Variants in PNKD observed in about 807,000 individuals in gnomAD.
PNKD encodes the protein probable thioesterase PNKD.
PNKD carries 36 observed loss-of-function variants against 45.3 expected under a neutral mutation model. The observed-to-expected ratio is 0.80, with a 90% confidence interval of 0.61 to 1.05. PNKD has a LOEUF of 1.05. Among genes scored for constraint, PNKD ranks in the 50% least tolerant of loss-of-function variants. The pLI is 0.00. For synonymous variants in PNKD, 197 were observed against 210.1 expected, an observed-to-expected ratio of 0.94 and a Z score of 0.54; for missense variants, 511 against 506.6, an observed-to-expected ratio of 1.01 and a Z score of -0.08.
chr2:218,329,083 C>T (rs1694238494), intron 2 of PNKD, among the ~76,000 whole-genome samples: 4 of 151,996 alleles, frequency 2.6e-5, no homozygotes, highest in Admixed American at 2.6e-4. Context: ...GTCACGCACC[C>T]CTGTAATCCC....
In PNKD at chr2:218,277,310, G is replaced by A. The variant is rs1440255248; in HGVS notation, c.236+5761G>A. On this transcript the variant is annotated intron_variant, in intron 2 of 9. Transcript: ENST00000273077. ...GAACATCCCTAGTGTGCCGGGGTCC[G>A]GGCCTGATAAGAAAGGGGAGTCGGG... 3.5e-5 allele frequency: 53 copies of A among 1,526,648 alleles called. 1 individual carries two copies. Among genetic ancestry groups the A allele is most frequent in the East Asian group, 4.5e-5 (2 of 44,460 alleles). The allele number at this position is 1,526,648 out of a possible 1,614,324, so 94.6% of individuals were successfully genotyped here.
At chr2:218,341,664 G>A in intron 6 of PNKD, 38 bp downstream of exon 6, 3 of 1,415,468 alleles carry the variant, frequency 2.1e-6, no homozygotes, top group Non-Finnish European at 2.0e-6. Context: ...GCCCTTCCAT[G>A]GGCCCTTTCC....
intron 2 of PNKD, among the ~76,000 whole-genome samples, chr2:218,310,254 ACT>A (rs1350477759): frequency 2.0e-5 from 3 of 151,984 alleles, no homozygotes; most frequent in Non-Finnish European, 4.4e-5. Flanking sequence ...ACGGAATCTC[ACT>A]CTGTCACCCA....
At chr2:218,317,155 G>A (rs111544801) in intron 2 of PNKD, among the ~76,000 whole-genome samples, 10 of 152,318 alleles carry the variant, frequency 6.6e-5, no homozygotes, top group Non-Finnish European at 1.2e-4. Context: ...GGCCATGTGA[G>A]CAAGCTGCTG....
At chr2:218,275,941 C>G in intron 2 of PNKD, 2 of 1,477,370 alleles carry the variant, frequency 1.4e-6, no homozygotes, top group Non-Finnish European at 1.9e-6. Context: ...CCCTGCCTCC[C>G]AGGCAGTCTA....
chr2:218,336,432 G>A (rs554947097), intron 2 of PNKD, among the ~76,000 whole-genome samples: 2 of 152,218 alleles, frequency 1.3e-5, no homozygotes, highest in South Asian at 2.1e-4. Context: ...TTTAACTCCT[G>A]TAGAATCACA....
chr2:218,281,510 G>A (rs1691990546), intron 2 of PNKD, among the ~76,000 whole-genome samples: 1 of 152,222 alleles, frequency 6.6e-6, no homozygotes, highest in African/African-American at 2.4e-5. Context: ...AATGTCTTTT[G>A]CAAAAGTCAG....
In PNKD at chr2:218,343,709, A is replaced by G. The variant is rs187596234; in HGVS notation, c.868+123A>G. 5.3e-5 allele frequency: 39 copies of G among 734,870 alleles called. 1 individual carries two copies. The Admixed American group carries it at 6.3e-4, about 12-fold the overall frequency. The allele number at this position is 734,870 out of a possible 1,614,324, so 45.5% of individuals were successfully genotyped here. On this transcript the variant is annotated intron_variant, in intron 8 of 9. Coordinates refer to ENST00000273077, the MANE Select transcript of PNKD (RefSeq NM_015488.5). ...CCAGTTCCTGGCCCAGAAGCGACAC[A>G]GCTCCACCTCTAGGGGTAGGGACAG... is the stretch of plus-strand genomic sequence containing the variant.
chr2:218,325,198 C>CTTTTTTTTTTTTTT (rs746439948), intron 2 of PNKD, among the ~76,000 whole-genome samples: 2 of 39,758 alleles, frequency 5.0e-5, no homozygotes, highest in African/African-American at 1.2e-4. Context: ...CGCACCCGGC[C>CTTTTTTTTTTTTTT]TTTTTTTTTT....
rs1276430987 is a variant in PNKD at position 218,345,365 on chromosome 2, C to G, written c.*384C>G. 2 of 197,736 alleles carry G rather than the reference C, an allele frequency of 1.0e-5. No homozygotes were observed. The highest frequency in any genetic ancestry group is 2.1e-5 in the Non-Finnish European group (2 of 95,802). The allele number at this position is 197,736 out of a possible 1,614,324, so 12.2% of individuals were successfully genotyped here. A position where few individuals can be genotyped will look rare whatever the true frequency, so the allele number is the denominator to read the frequency against. On this transcript the variant is annotated 3_prime_UTR_variant, in exon 10 of 10. Transcript: ENST00000273077. ...CCTCATCTCACTGTAGCCCTGGAAC[C>G]CAGGGTCCATCTTGCCCTTCCCCCA...
rs79697785 is a variant in PNKD, at chr2:218,301,347, G to A, written c.236+29798G>A. 3.4e-3 allele frequency among the ~76,000 whole-genome samples: 521 copies of A among 152,234 alleles called. 4 individuals carry two copies. The highest frequency in any genetic ancestry group is 9.7e-3 in the African/African-American group (404 of 41,540). On this transcript the variant is annotated intron_variant, in intron 2 of 9. Coordinates refer to ENST00000273077, the MANE Select transcript of PNKD (RefSeq NM_015488.5). ...TCATCTTGGCCAGATGCCTAGCCCA[G>A]GGCCTGCACTCAGTACTTTCTGCTG...
At chr2:218,277,990 A>G in intron 2 of PNKD, 1 of 1,613,996 alleles carries the variant, frequency 6.2e-7, no homozygotes, top group Non-Finnish European at 8.5e-7. Flanking sequence ...GGGAAAGAGA[A>G]GCCTTGATTA....
Position 218,341,559 on chromosome 2 carries a change from C to T in PNKD, c.550C>T (p.Leu184Phe), listed in dbSNP as rs149109250. ...HWDHSGGNRD[L>F]SRRHRDCRVY... ...GGACCACAGTGGAGGGAACCGTGAC[C>T]TCAGCCGGCGGCACCGGGACTGTCG... Residue 184 changes from leucine to phenylalanine, a missense_variant, in exon 6 of 10, where the codon CTC (leucine) becomes TTC (phenylalanine). Leu to Phe is a conservative substitution (Grantham distance 22). Transcript: ENST00000273077. 3.7e-6 allele frequency: 6 copies of T among 1,602,586 alleles called. No individual in the cohort carries two copies. In the African/African-American group the frequency reaches 4.0e-5, roughly 11 times the overall value.
chr2:218,277,725 T>A, intron 2 of PNKD: 2 of 1,610,334 alleles, frequency 1.2e-6, no homozygotes, highest in Non-Finnish European at 1.7e-6. Flanking sequence ...GAAGGCAGGG[T>A]GCTGGGGGAG....
intron 2 of PNKD, among the ~76,000 whole-genome samples, chr2:218,304,193 G>C (rs759696657): frequency 3.3e-5 from 5 of 151,924 alleles, no homozygotes; most frequent in Non-Finnish European, 1.5e-5. Flanking sequence ...CGCTCTTGTT[G>C]CCCAGGCTGG....
intron 2 of PNKD, chr2:218,323,499 C>A: frequency 9.0e-6 from 2 of 222,684 alleles, no homozygotes; most frequent in Non-Finnish European, 1.5e-5. Flanking sequence ...GACTGGGAGG[C>A]GGGGGCTGGA....
chr2:218,303,929 C>A (rs1208913121), intron 2 of PNKD, among the ~76,000 whole-genome samples: 2 of 152,060 alleles, frequency 1.3e-5, no homozygotes, highest in Non-Finnish European at 2.9e-5. Flanking sequence ...TCCACATCCC[C>A]CTCCGTCTTC....
intron 2 of PNKD, among the ~76,000 whole-genome samples, chr2:218,335,138 A>G (rs2106287563): frequency 6.6e-6 from 1 of 151,996 alleles, no homozygotes; most frequent in Non-Finnish European, 1.5e-5. Context: ...CTGACAGAGG[A>G]AGATCCCATC....
At chr2:218,290,499 G>A (rs765009469) in intron 2 of PNKD, among the ~76,000 whole-genome samples, 4 of 152,094 alleles carry the variant, frequency 2.6e-5, no homozygotes, top group Non-Finnish European at 5.9e-5. Flanking sequence ...ACTCTCAGGG[G>A]GTCAGCCCAG....
Sources: gnomAD v4.1 joint callset for allele counts (sites outside exome capture counted in the v4.1 genomes callset) on GRCh38, gnomAD v4.1.1 for gene constraint, MANE v1.5 for transcripts, NCBI Gene and HGNC (gene_info 2026-07-23, HGNC 2026-07-21) for gene names.